KDM5A: variants seen among roughly 807,000 people sequenced by gnomAD.
KDM5A encodes the protein lysine demethylase 5A.
KDM5A carries 42 observed loss-of-function variants against 193.5 expected under a neutral mutation model. The observed-to-expected ratio is 0.22, with a 90% CI of 0.17 to 0.28. KDM5A has a LOEUF of 0.28. Ranked by LOEUF, KDM5A falls within the 10% of genes least tolerant of loss-of-function variation. The probability of loss-of-function intolerance (pLI) is 1.00; values close to 1 mark genes in which losing one functional copy is unlikely to be tolerated. For missense variants in KDM5A, 1,692 were observed against 2,055.1 expected, an observed-to-expected ratio of 0.82 and a Z score of 3.42; for synonymous variants, 796 against 718.1, an observed-to-expected ratio of 1.11 and a Z score of -1.73.
intron 4 of KDM5A, among the ~76,000 whole-genome samples, chr12:364,779 C>CAAAAAAAAA (rs61342800): frequency 2.7e-5 from 3 of 111,336 alleles, no homozygotes; most frequent in Middle Eastern, 9.0e-3. Flanking sequence ...AGTCTCATCT[C>CAAAAAAAAA]AAAAAAAAAA....
intron 4 of KDM5A, among the ~76,000 whole-genome samples, chr12:365,263 AG>A (rs1250348298): frequency 3.3e-5 from 5 of 152,182 alleles, no homozygotes; most frequent in Non-Finnish European, 7.4e-5. Flanking sequence ...CATGATGCCC[AG>A]GCTGGTCTCA....
At chr12:360,950 AAAGACT>A (rs1466794749) in intron 5 of KDM5A, among the ~76,000 whole-genome samples, 1 of 152,234 alleles carries the variant, frequency 6.6e-6, no homozygotes, top group Non-Finnish European at 1.5e-5. Flanking sequence ...AGAGATAGAC[AAAGACT>A]AAGTATGAAT....
At chr12:324,730 G>A (rs1003489197) in intron 14 of KDM5A, among the ~76,000 whole-genome samples, 14 of 151,482 alleles carry the variant, frequency 9.2e-5, no homozygotes, top group African/African-American at 2.9e-4. Context: ...AAAGTTAGCC[G>A]GGCGTGGTGA....
intron 27 of KDM5A, among the ~76,000 whole-genome samples, chr12:288,452 G>C (rs994216202): frequency 1.1e-4 from 16 of 152,068 alleles, no homozygotes; most frequent in African/African-American, 3.9e-4. Flanking sequence ...GGAAATGTCT[G>C]TTTCAAAAAG....
chr12:314,361 A>C (rs932530393), intron 19 of KDM5A, among the ~76,000 whole-genome samples: 2 of 151,812 alleles, frequency 1.3e-5, no homozygotes, highest in Non-Finnish European at 2.9e-5. Context: ...ACGCCCGGCT[A>C]ATTTTTTGTA....
At chr12:357,502 TA>T (rs962943262) in intron 5 of KDM5A, among the ~76,000 whole-genome samples, 75 of 141,826 alleles carry the variant, frequency 5.3e-4, no homozygotes, top group Admixed American at 9.1e-4. Context: ...ACCCTGTCTT[TA>T]AAAAAAAAAA....
chr12:333,449 AC>A, intron 12 of KDM5A, 37 bp downstream of exon 12: 1 of 1,612,026 alleles, frequency 6.2e-7, no homozygotes, highest in South Asian at 1.1e-5. Flanking sequence ...AAACAAACAA[AC>A]AAACAAACAA....
Position 283,267 on chromosome 12 carries a change from T to C in KDM5A, c.*2189A>G, listed in dbSNP as rs1044686858. The C allele has an allele frequency of 4.3e-6, 1 of 231,886 alleles. No individual in the cohort carries two copies. The highest frequency in any genetic ancestry group is 2.2e-5 in the African/African-American group (1 of 45,274). The allele number at this position is 231,886 out of a possible 1,614,324, so 14.4% of individuals were successfully genotyped here. ...GCAAAAAATATTGTGCTTTCTTGTA[T>C]AACATCAACCAGAGGAAATTCTTAA... On this transcript the variant is annotated 3_prime_UTR_variant, in exon 28 of 28. Coordinates refer to ENST00000399788, the MANE Select transcript of KDM5A (RefSeq NM_001042603.3).
Position 363,092 on chromosome 12 carries a change from C to A in KDM5A, c.543G>T (p.Val181=), listed in dbSNP as rs946352318. 1.6e-5 allele frequency: 26 copies of A among 1,613,992 alleles called. No individual in the cohort carries two copies. The highest frequency in any genetic ancestry group is 2.0e-5 in the Non-Finnish European group (24 of 1,179,918). The part of the protein sequence containing the change: ...LFQSGVSLMG[V]QMPNLDLKEK... Reference sequence around the variant, plus strand: ...CTTTAAGATCTAAATTAGGCATCTGCACACCCTAAAAGATCAGAGCACAGA... The same window carrying A: ...CTTTAAGATCTAAATTAGGCATCTGAACACCCTAAAAGATCAGAGCACAGA... Residue 181 remains valine, a synonymous_variant, in exon 5 of 28, where the codon GTG becomes GTT. Transcript: ENST00000399788.
In KDM5A at chr12:282,281, T is replaced by A. The variant is rs1040755001; in HGVS notation, c.*3175A>T. 14 of 234,002 alleles carry A rather than the reference T, an allele frequency of 6.0e-5. No individual in the cohort carries two copies. The highest frequency in any genetic ancestry group is 9.3e-5 in the Non-Finnish European group (11 of 118,558). 14.5% of individuals were successfully genotyped at this position (234,002 alleles called of 1,614,324 possible). A position where few individuals can be genotyped will look rare whatever the true frequency, so the allele number is the denominator to read the frequency against. The stretch of plus-strand genomic sequence containing the variant: ...CAGCCTCCTGACCACAGGTGCACTC[T>A]ACTGCACCTGGCTGCCATGTTTTTT... On this transcript the variant is annotated 3_prime_UTR_variant, in exon 28 of 28. Transcript: ENST00000399788.
At chr12:354,799 T>A (rs1241847830) in intron 7 of KDM5A, among the ~76,000 whole-genome samples, 5 of 152,114 alleles carry the variant, frequency 3.3e-5, no homozygotes, top group Non-Finnish European at 7.4e-5. Flanking sequence ...TCTAGGGCAT[T>A]TGAAAATCAA....
chr12:287,033 T>C (rs1943227236), intron 27 of KDM5A, among the ~76,000 whole-genome samples: 1 of 152,072 alleles, frequency 6.6e-6, no homozygotes, highest in African/African-American at 2.4e-5. Context: ...GAGGATCCAA[T>C]GAAATAATGT....
At chr12:286,510 AC>A (rs1777625018) in intron 27 of KDM5A, among the ~76,000 whole-genome samples, 1 of 152,242 alleles carries the variant, frequency 6.6e-6, no homozygotes, top group African/African-American at 2.4e-5. Flanking sequence ...GCAGACAAGA[AC>A]ATTTAAGATG....
intron 2 of KDM5A, among the ~76,000 whole-genome samples, chr12:384,415 G>C (rs1299983359): frequency 6.6e-6 from 1 of 152,090 alleles, no homozygotes; most frequent in African/African-American, 2.4e-5. Flanking sequence ...ATCTGAGGTG[G>C]AACAGTTTCA....
rs371768167 is a variant in KDM5A at position 321,115 on chromosome 12, G to A, written c.2427-6C>T. 1.1e-5 allele frequency: 18 copies of A among 1,588,356 alleles called. No homozygotes were observed. The highest frequency in any genetic ancestry group is 1.7e-4 in the Middle Eastern group (1 of 6,030). On this transcript the variant is annotated splice_region_variant and splice_polypyrimidine_tract_variant and intron_variant, in intron 17 of 27. Transcript: ENST00000399788. ...TCCCACTATCTGGGCTCTGTCTGAT[G>A]TGAAATAATATTGAGATATAAGTAA...
rs1222906571 is a variant in KDM5A at position 318,311 on chromosome 12, G to A, written c.2692C>T (p.Leu898=). 6.2e-7 allele frequency: 1 copy of A among 1,614,142 alleles called. No homozygotes were observed. Residue 898 remains leucine, a synonymous_variant, in exon 19 of 28, where the codon CTA becomes TTA. Coordinates refer to ENST00000399788, the MANE Select transcript of KDM5A (RefSeq NM_001042603.3). The part of the protein sequence containing the change: ...LPELPRLKQE[L]QQARWLDEVR... ...TCGTCCAACCACCGAGCCTGTTGTA[G>A]CTCTTGCTTCAGTCGTGGTAATTCA...
intron 9 of KDM5A, among the ~76,000 whole-genome samples, chr12:351,261 C>T (rs1325698630): frequency 2.0e-5 from 3 of 152,074 alleles, no homozygotes; most frequent in East Asian, 1.9e-4. Flanking sequence ...TTCCTGTGTC[C>T]GTGTGTTCTC....
At chr12:338,220 T>A (rs921688015) in intron 10 of KDM5A, among the ~76,000 whole-genome samples, 1 of 152,150 alleles carries the variant, frequency 6.6e-6, no homozygotes, top group Non-Finnish European at 1.5e-5. Context: ...CCCTAAATGA[T>A]AAGAGTGGCT....
intron 27 of KDM5A, chr12:286,112 A>G: frequency 2.1e-6 from 1 of 479,250 alleles, no homozygotes; most frequent in Non-Finnish European, 4.3e-6. Context: ...CAAAGTACTA[A>G]GAGCATTAAA....
Sources: allele counts gnomAD v4.1 joint callset (sites outside exome capture counted in the v4.1 genomes callset), GRCh38; gene constraint gnomAD v4.1.1; transcripts MANE v1.5; gene names NCBI Gene and HGNC (gene_info 2026-07-23, HGNC 2026-07-21).